Variants in BBS5 observed in about 807,000 individuals in gnomAD.
The protein encoded by BBS5 is BBSome complex member BBS5.
In BBS5, 39 loss-of-function variants were observed where a neutral mutation model predicts 50.2. The observed-to-expected ratio is 0.78, with a 90% CI of 0.60 to 1.01. BBS5 has a LOEUF of 1.01. Ranked by LOEUF, BBS5 falls within the 50% of genes least tolerant of loss-of-function variation. The pLI is 0.00. For missense variants in BBS5, 356 were observed against 401.5 expected (o/e 0.89, Z 0.97); for synonymous variants, 134 against 133.1 (o/e 1.01, Z -0.05).
intron 1 of BBS5, among the ~76,000 whole-genome samples, chr2:169,481,691 C>A (rs1039811183): frequency 2.0e-5 from 3 of 151,740 alleles, no homozygotes; most frequent in African/African-American, 7.3e-5. Context: ...CCTTTTGTCA[C>A]CTGTATCTAT....
At chr2:169,479,755 G>C (rs774473566) in intron 1 of BBS5, 143 bp downstream of exon 1, 3 of 938,826 alleles carry the variant, frequency 3.2e-6, no homozygotes, top group Non-Finnish European at 5.0e-6. Context: ...TCCGCGCCTC[G>C]AGAGACCTCA....
intron 8 of BBS5, 21 bp downstream of exon 8, chr2:169,497,710 A>G: frequency 6.6e-7 from 1 of 1,516,478 alleles, no homozygotes; most frequent in Non-Finnish European, 9.1e-7. Context: ...GTATATTTTT[A>G]TTAATCTTTG....
In BBS5 at chr2:169,482,244, A is replaced by G. The variant is rs1237417786; in HGVS notation, c.60-7A>G. The G allele has an allele frequency of 6.3e-7, 1 of 1,589,768 alleles. No homozygotes were observed. ...CTATAAAATTCAAACCTTTATATTC[A>G]CTTTAGGCAAATGAAAACAAGACCT... is the stretch of plus-strand genomic sequence containing the variant. On this transcript the variant is annotated splice_polypyrimidine_tract_variant and splice_region_variant and intron_variant, in intron 1 of 11. Coordinates refer to ENST00000295240, the MANE Select transcript of BBS5 (RefSeq NM_152384.3).
rs1229922724 is a variant in BBS5, at chr2:169,493,818, T to C, written c.600T>C (p.Ser200=). 9 of 1,602,822 alleles carry C rather than the reference T, an allele frequency of 5.6e-6. No homozygotes were observed. The African/African-American group carries it at 1.2e-4, about 21-fold the overall frequency. ...ATATGAATGATAGTTTTAATGTCAG[T>C]ATACCATATCTGCAAATTGTAAGTA... is the stretch of plus-strand genomic sequence containing the variant. The part of the protein sequence containing the change: ...HANMNDSFNV[S]IPYLQIRSIK... Residue 200 remains serine, a synonymous_variant, in exon 7 of 12, where the codon AGT becomes AGC. Transcript: ENST00000295240.
intron 7 of BBS5, among the ~76,000 whole-genome samples, chr2:169,494,180 C>T (rs1218005046): frequency 2.6e-5 from 4 of 152,150 alleles, no homozygotes; most frequent in Admixed American, 2.6e-4. Context: ...TTTCATGAGG[C>T]AGGTATGTGG....
Position 169,504,303 on chromosome 2 carries a change from G to A in BBS5, c.901G>A (p.Ala301Thr). 6.2e-7 allele frequency: 1 copy of A among 1,612,844 alleles called. No homozygotes were observed. Among genetic ancestry groups the A allele is most frequent in the Non-Finnish European group, 8.5e-7 (1 of 1,178,930 alleles). Residue 301 changes from alanine (A) to threonine (T), a missense_variant and splice_region_variant, in exon 11 of 12, where the codon GCT becomes ACT. Physicochemically the swap from Ala to Thr is moderately conservative, Grantham distance 58 (BLOSUM62 0). Coordinates refer to ENST00000295240, the MANE Select transcript of BBS5 (RefSeq NM_152384.3). ...DSDGHTDAFV[A>T]YFADGNKQQD... ...AAATAGAATTTTCTTTGTCTTACAG[G>A]CTTATTTTGCTGATGGCAATAAGGT...
Position 169,504,484 on chromosome 2 carries a change from C to T in BBS5, c.928C>T (p.Gln310Ter). 1 of 1,613,740 alleles carries T rather than the reference C, an allele frequency of 6.2e-7. No homozygotes were observed. The highest frequency in any genetic ancestry group is 2.2e-5 in the East Asian group (1 of 44,870). ...TATCCTCCTGTCTCCCAAAAAGCAACAAGATCGTGAACCTGTATTTTCAGA... is the reference window on the plus strand; with the variant it reads ...TATCCTCCTGTCTCCCAAAAAGCAATAAGATCGTGAACCTGTATTTTCAGA... Reference protein sequence around the residue: ...VAYFADGNKQQDREPVFSEEL... With the variant: ...VAYFADGNKQ Residue 310 changes from glutamine to a stop codon, truncating the protein, a stop_gained, in exon 12 of 12, where the codon CAA becomes TAA. Transcript: ENST00000295240. LOFTEE classifies it high-confidence loss of function.
In BBS5 at chr2:169,504,762, T is replaced by C. The variant is rs911888235; in HGVS notation, c.*180T>C. The C allele has an allele frequency of 1.5e-6, 2 of 1,371,574 alleles. No homozygotes were observed. Among genetic ancestry groups the C allele is most frequent in the Non-Finnish European group, 2.0e-6 (2 of 997,138 alleles). 85.0% of individuals were successfully genotyped at this position (1,371,574 alleles called of 1,614,324 possible). A position where few individuals can be genotyped will look rare whatever the true frequency, so the allele number is the denominator to read the frequency against. The stretch of plus-strand genomic sequence containing the variant: ...AAAACTTCAGTTTTCGGCCAGCGCG[T>C]CGAGGGAGGGGCCAGCGACACATGG... On this transcript the variant is annotated 3_prime_UTR_variant, in exon 12 of 12. Transcript: ENST00000295240.
intron 8 of BBS5, among the ~76,000 whole-genome samples, chr2:169,498,334 A>G (rs1683732143): frequency 6.6e-6 from 1 of 152,246 alleles, no homozygotes; most frequent in Non-Finnish European, 1.5e-5. Context: ...AAAGTGATTT[A>G]TAAAATTACT....
intron 9 of BBS5, among the ~76,000 whole-genome samples, chr2:169,502,376 T>C (rs907424584): frequency 6.6e-6 from 1 of 152,190 alleles, no homozygotes; most frequent in African/African-American, 2.4e-5. Flanking sequence ...TGAGCGTGGT[T>C]GAAACACTAA....
chr2:169,479,787 C>T (rs1006566862), intron 1 of BBS5, among the ~76,000 whole-genome samples, 175 bp downstream of exon 1: 1 of 152,210 alleles, frequency 6.6e-6, no homozygotes, highest in African/African-American at 2.4e-5. Context: ...CCACTGTGGC[C>T]CTCTCGAGGC....
At chr2:169,493,692 AGG>A in intron 6 of BBS5, 47 bp from the exon 7 acceptor site, 1 of 1,258,816 alleles carries the variant, frequency 7.9e-7, no homozygotes. Context: ...AATAAAGAAT[AGG>A]TACCAAAAAA....
chr2:169,494,815 T>C (rs1165165464), intron 7 of BBS5, among the ~76,000 whole-genome samples: 1 of 152,192 alleles, frequency 6.6e-6, no homozygotes, highest in Non-Finnish European at 1.5e-5. Context: ...ATAATTGCCC[T>C]TATTGTAGGA....
At position 169,485,810 on chromosome 2, in the gene BBS5, T is replaced by C. The variant is rs115418775; in HGVS notation, c.143-1259T>C. ...CAGAAGATCAAAGGGAGGCAGGAGTTTGAGGTCTGGGTATTTATTGCCCTG... is the reference window on the plus strand; with the variant it reads ...CAGAAGATCAAAGGGAGGCAGGAGTCTGAGGTCTGGGTATTTATTGCCCTG... On this transcript the variant is annotated intron_variant, in intron 2 of 11. Coordinates refer to ENST00000295240, the MANE Select transcript of BBS5 (RefSeq NM_152384.3). Among the ~76,000 whole-genome samples, 1,365 of 152,296 alleles carry C rather than the reference T, an allele frequency of 9.0e-3. 29 individuals carry two copies. The highest frequency in any genetic ancestry group is 0.031 in the African/African-American group (1,289 of 41,550).
Position 169,504,851 on chromosome 2 carries a change from G to A in BBS5, c.*269G>A. On this transcript the variant is annotated 3_prime_UTR_variant, in exon 12 of 12. Transcript: ENST00000295240. ...GGCTGAGGGTAGCTGGATTCCTCAG[G>A]CCCGGGCGCTCCTACAGCAGTGCCT... is the stretch of plus-strand genomic sequence containing the variant. The A allele has an allele frequency of 6.2e-7, 1 of 1,609,892 alleles. No individual in the cohort carries two copies. The highest frequency in any genetic ancestry group is 1.1e-5 in the South Asian group (1 of 90,590).
chr2:169,490,878 C>G (rs1208678214), intron 5 of BBS5, among the ~76,000 whole-genome samples: 5 of 152,140 alleles, frequency 3.3e-5, no homozygotes, highest in Non-Finnish European at 7.4e-5. Flanking sequence ...TTTGCCTGTT[C>G]TGGAAATTTT....
At chr2:169,498,598 A>C (rs868356785) in intron 8 of BBS5, among the ~76,000 whole-genome samples, 2 of 152,182 alleles carry the variant, frequency 1.3e-5, no homozygotes, top group Middle Eastern at 3.4e-3. Flanking sequence ...CGGGCAGAGC[A>C]GGAAGTCAGG....
chr2:169,500,556 G>T (rs1021043624), intron 9 of BBS5, among the ~76,000 whole-genome samples: 1 of 152,136 alleles, frequency 6.6e-6, no homozygotes. Context: ...TGCCCTTGCC[G>T]TTTACTTTAT....
chr2:169,498,572 C>T (rs975813762), intron 8 of BBS5, among the ~76,000 whole-genome samples: 5 of 152,008 alleles, frequency 3.3e-5, no homozygotes, highest in African/African-American at 4.8e-5. Context: ...AATCCCAGCA[C>T]TTTGGGAGGT....
Sources: allele counts gnomAD v4.1 joint callset (sites outside exome capture counted in the v4.1 genomes callset), GRCh38; gene constraint gnomAD v4.1.1; transcripts MANE v1.5; gene names NCBI Gene and HGNC (gene_info 2026-07-23, HGNC 2026-07-21).